The following DAW1 variants were observed in gnomAD, a reference collection of about 807,000 sequenced individuals.
The protein encoded by DAW1 is dynein assembly factor with WD repeats 1.
A neutral mutation model predicts 56.5 loss-of-function variants in DAW1; 47 were observed. That is an observed-to-expected ratio of 0.83 (90% CI 0.66 to 1.06). The LOEUF (loss-of-function observed/expected upper bound fraction) is 1.06, where lower values mean the gene tolerates loss of function less well. DAW1 is among the 50% of genes least tolerant of loss of function. The pLI is 0.00. For synonymous variants in DAW1, 190 were observed against 179.0 expected (o/e 1.06, Z -0.49); for missense variants, 505 against 499.3 (o/e 1.01, Z -0.11).
intron 2 of DAW1, among the ~76,000 whole-genome samples, chr2:227,886,571 C>T (rs1691135334): frequency 6.6e-6 from 1 of 152,012 alleles, no homozygotes; most frequent in Non-Finnish European, 1.5e-5. Flanking sequence ...GAGCTGAGAT[C>T]GCGGTGCTGT....
intron 7 of DAW1, among the ~76,000 whole-genome samples, chr2:227,904,175 C>A (rs987318430): frequency 6.6e-6 from 1 of 151,956 alleles, no homozygotes; most frequent in Non-Finnish European, 1.5e-5. Context: ...ACTTAGAATT[C>A]GAATATTCAA....
chr2:227,903,149 T>A, intron 7 of DAW1, 40 bp downstream of exon 7: 1 of 1,593,478 alleles, frequency 6.3e-7, no homozygotes, highest in East Asian at 2.2e-5. Flanking sequence ...TTTGTGTTCA[T>A]TCTTATTTGT....
chr2:227,880,331 A>G (rs1414676927), intron 1 of DAW1, among the ~76,000 whole-genome samples: 2 of 150,638 alleles, frequency 1.3e-5, no homozygotes, highest in Admixed American at 6.6e-5. Flanking sequence ...TATTTTAACA[A>G]TGCTGTAATG....
intron 1 of DAW1, among the ~76,000 whole-genome samples, chr2:227,875,366 C>T (rs556564441): frequency 6.6e-6 from 1 of 152,310 alleles, no homozygotes; most frequent in Admixed American, 6.5e-5. Flanking sequence ...CACTCTTCTG[C>T]TCCAGCCCTC....
intron 1 of DAW1, among the ~76,000 whole-genome samples, chr2:227,877,719 CA>C (rs1342459055): frequency 6.6e-6 from 1 of 152,134 alleles, no homozygotes; most frequent in Non-Finnish European, 1.5e-5. Flanking sequence ...CACAGTTCAC[CA>C]TAGGGTTCCT....
chr2:227,905,132 C>G, intron 8 of DAW1, 97 bp downstream of exon 8: 4 of 846,504 alleles, frequency 4.7e-6, no homozygotes, highest in Non-Finnish European at 7.1e-6. Flanking sequence ...ATTAACTCTG[C>G]TTTGGATTCC....
intron 10 of DAW1, among the ~76,000 whole-genome samples, chr2:227,915,355 G>A (rs1721375): frequency 0.86 from 130,261 of 151,986 alleles, 55,941 homozygotes; most frequent in Middle Eastern, 0.96. Flanking sequence ...GTCATCACTT[G>A]TGTGTCATCA....
chr2:227,883,280 A>G (rs891798308), intron 1 of DAW1, among the ~76,000 whole-genome samples: 1 of 152,224 alleles, frequency 6.6e-6, no homozygotes, highest in Non-Finnish European at 1.5e-5. Context: ...CAGCTTACCA[A>G]CAGTAAGAGT....
At chr2:227,879,202 A>G (rs12472908) in intron 1 of DAW1, among the ~76,000 whole-genome samples, 73,530 of 152,084 alleles carry the variant, frequency 0.48, 17,998 homozygotes, top group Admixed American at 0.58. Flanking sequence ...GGAGCCACCT[A>G]ACACGTGACA....
intron 5 of DAW1, 85 bp downstream of exon 5, chr2:227,894,002 G>C: frequency 1.4e-6 from 2 of 1,397,100 alleles, no homozygotes; most frequent in African/African-American, 1.5e-5. Context: ...GAAGACAAGA[G>C]GTCTAAATTT....
intron 10 of DAW1, chr2:227,912,288 A>C (rs1438933230): frequency 1.1e-6 from 1 of 919,224 alleles, no homozygotes; most frequent in Admixed American, 2.3e-5. Flanking sequence ...GCTGGAGTGC[A>C]GTGGCACGAT....
intron 1 of DAW1, chr2:227,876,545 A>T: frequency 7.9e-7 from 1 of 1,273,834 alleles, no homozygotes; most frequent in Non-Finnish European, 1.0e-6. Flanking sequence ...ATTCCACTGA[A>T]TCATTCCCGT....
chr2:227,923,900 G>GA (rs747107889), intron 12 of DAW1, 34 bp from the exon 13 acceptor site: 39 of 1,611,422 alleles, frequency 2.4e-5, no homozygotes, highest in Non-Finnish European at 3.2e-5. Flanking sequence ...ATGAAATGAA[G>GA]AAAAAAATAA....
At chr2:227,913,691 G>A (rs1458350453) in intron 10 of DAW1, among the ~76,000 whole-genome samples, 1 of 151,868 alleles carries the variant, frequency 6.6e-6, no homozygotes, top group East Asian at 1.9e-4. Flanking sequence ...CATCTCCTTG[G>A]CACTGTGTAT....
In DAW1 at chr2:227,893,877, A is replaced by G. The variant is rs770880506; in HGVS notation, c.400A>G (p.Arg134Gly). The change falls in exon 5 of 13, where the codon AGG becomes GGG. Residue 134 changes from arginine (R) to glycine (G), a missense_variant. By Grantham distance (125) the Arg-to-Gly change is moderately radical. Transcript: ENST00000309931. ...GGAGCTGAACACGCTGGAGGGCCAC[A>G]GGAATGTGGTTTATGCCATAGCATT... ...GEELNTLEGH[R>G]NVVYAIAFNN... The G allele has an allele frequency of 3.1e-6, 5 of 1,613,842 alleles. No homozygotes were observed. Among genetic ancestry groups the G allele is most frequent in the Non-Finnish European group, 4.2e-6 (5 of 1,179,906 alleles).
At chr2:227,887,054 T>TG (rs961318277) in intron 2 of DAW1, among the ~76,000 whole-genome samples, 2 of 152,188 alleles carry the variant, frequency 1.3e-5, no homozygotes, top group African/African-American at 4.8e-5. Context: ...ATCCTGGAGT[T>TG]GCTGCCACTT....
intron 1 of DAW1, 105 bp downstream of exon 1, chr2:227,871,834 C>A (rs1280335712): frequency 6.7e-7 from 1 of 1,494,502 alleles, no homozygotes; most frequent in Admixed American, 2.0e-5. Flanking sequence ...CGGCGGGGTC[C>A]CCAGGTGGGG....
rs1202655821 is a variant in DAW1 at position 227,898,298 on chromosome 2, A to G, written c.540+17A>G. ...GCAGAAATAGTGAGTATATTTAACA[A>G]TTTATTATTATTTTATGTATATATA... On this transcript the variant is annotated intron_variant, in intron 6 of 12. Transcript: ENST00000309931. 3 of 1,275,620 alleles carry G rather than the reference A, an allele frequency of 2.4e-6. No homozygotes were observed. Among genetic ancestry groups the G allele is most frequent in the Non-Finnish European group, 2.1e-6 (2 of 970,198 alleles). The allele number at this position is 1,275,620 out of a possible 1,614,324, so 79.0% of individuals were successfully genotyped here. A position where few individuals can be genotyped will look rare whatever the true frequency, so the allele number is the denominator to read the frequency against.
intron 10 of DAW1, among the ~76,000 whole-genome samples, chr2:227,912,717 A>G (rs1691858352): frequency 6.6e-6 from 1 of 152,104 alleles, no homozygotes; most frequent in Non-Finnish European, 1.5e-5. Flanking sequence ...CCTACCTGTT[A>G]ATCATGTAGG....
Sources: allele counts gnomAD v4.1 joint callset (sites outside exome capture counted in the v4.1 genomes callset), GRCh38; gene constraint gnomAD v4.1.1; transcripts MANE v1.5; gene names NCBI Gene and HGNC (gene_info 2026-07-23, HGNC 2026-07-21).